The following MOSMO variants were observed in gnomAD, a reference collection of about 807,000 sequenced individuals.
MOSMO encodes the protein modulator of smoothened protein.
In MOSMO, 5 loss-of-function variants were observed where a neutral mutation model predicts 18.4. The observed-to-expected ratio is 0.27, with a 90% CI of 0.14 to 0.57. The LOEUF is 0.57. MOSMO is among the 20% of genes least tolerant of loss of function. The probability of loss-of-function intolerance (pLI) is 0.92; values close to 1 mark genes in which losing one functional copy is unlikely to be tolerated. For missense variants in MOSMO, 138 were observed against 211.8 expected (o/e 0.65, Z 2.16); for synonymous variants, 82 against 82.3 (o/e 1.00, Z 0.02).
downstream of MOSMO, among the ~76,000 whole-genome samples, chr16:22,089,037 ATTAAG>A (rs1901241936): frequency 6.6e-6 from 1 of 150,462 alleles, no homozygotes; most frequent in African/African-American, 2.4e-5. Flanking sequence ...CCTCCCACTT[ATTAAG>A]TTGTTTGTGT....
intron 1 of MOSMO, 57 bp downstream of exon 1, chr16:22,008,464 G>C: frequency 8.9e-7 from 1 of 1,124,524 alleles, no homozygotes; most frequent in South Asian, 1.7e-5. Flanking sequence ...ACGCGAGAGA[G>C]GGGAGACCCG....
intron 1 of MOSMO, among the ~76,000 whole-genome samples, chr16:22,020,658 T>C (rs1234559758): frequency 1.3e-5 from 2 of 152,190 alleles, no homozygotes; most frequent in Non-Finnish European, 2.9e-5. Context: ...TCTGGGTCAA[T>C]ACGGAAGTTA....
chr16:22,038,555 T>C (rs1204222990), intron 1 of MOSMO, among the ~76,000 whole-genome samples: 1 of 152,166 alleles, frequency 6.6e-6, no homozygotes, highest in African/African-American at 2.4e-5. Flanking sequence ...GAAGTTAGGT[T>C]ACAGATAATG....
At chr16:22,033,046 T>G (rs1232949657) in intron 1 of MOSMO, among the ~76,000 whole-genome samples, 1 of 152,220 alleles carries the variant, frequency 6.6e-6, no homozygotes, top group Non-Finnish European at 1.5e-5. Flanking sequence ...TTGATCTATG[T>G]CCTTATACCA....
intron 1 of MOSMO, among the ~76,000 whole-genome samples, chr16:22,073,189 G>C (rs1209011112): frequency 1.3e-5 from 2 of 152,112 alleles, no homozygotes; most frequent in Admixed American, 6.5e-5. Flanking sequence ...GGAAAGTTCA[G>C]TTATGATGTA....
In MOSMO at chr16:22,048,448, C is replaced by T. The variant is rs546497656; in HGVS notation, c.107-27039C>T. 4.6e-5 allele frequency among the ~76,000 whole-genome samples: 7 copies of T among 152,236 alleles called. No individual in the cohort carries two copies. In the South Asian group the frequency reaches 6.2e-4, roughly 14 times the overall value. The stretch of plus-strand genomic sequence containing the variant: ...ATGTGTAAAAGTATATTCATTTCTC[C>T]GTATCTTTTCCAGTGCTGGATAGTA... On this transcript the variant is annotated intron_variant, in intron 1 of 2. Transcript: ENST00000542527.
rs1901074587 is a variant in MOSMO at position 22,081,256 on chromosome 16, G to C, written c.*376G>C. 6.6e-6 allele frequency: 1 copy of C among 151,958 alleles called. No homozygotes were observed. Among genetic ancestry groups the C allele is most frequent in the African/African-American group, 2.4e-5 (1 of 41,222 alleles). The allele number at this position is 151,958 out of a possible 1,614,324, so 9.4% of individuals were successfully genotyped here. On this transcript the variant is annotated 3_prime_UTR_variant, in exon 3 of 3. Coordinates refer to ENST00000542527, the MANE Select transcript of MOSMO (RefSeq NM_001164579.2). Reference sequence around the variant, plus strand: ...GTTTTTAATGTCTAATGATTCATTAGAGGAAAAAAAAAAGTCTAAGTATTT... The same window carrying C: ...GTTTTTAATGTCTAATGATTCATTACAGGAAAAAAAAAAGTCTAAGTATTT...
chr16:22,071,024 C>T (rs1900839567), intron 1 of MOSMO, among the ~76,000 whole-genome samples: 1 of 152,210 alleles, frequency 6.6e-6, no homozygotes, highest in Admixed American at 6.5e-5. Flanking sequence ...CGCTCAAATA[C>T]AAATGCTCTT....
At chr16:22,051,463 A>C in intron 1 of MOSMO, among the ~76,000 whole-genome samples, 1 of 152,088 alleles carries the variant, frequency 6.6e-6, no homozygotes, top group East Asian at 1.9e-4. Flanking sequence ...GAAAAATAAC[A>C]AACTAGGCTA....
At chr16:22,064,625 A>G (rs1353020774) in intron 1 of MOSMO, among the ~76,000 whole-genome samples, 1 of 152,248 alleles carries the variant, frequency 6.6e-6, no homozygotes, top group Admixed American at 6.5e-5. Flanking sequence ...GCTTAAATTC[A>G]TACATGATTG....
Position 22,081,227 on chromosome 16 carries a change from T to C in MOSMO, c.*347T>C, listed in dbSNP as rs1213240011. 6.5e-6 allele frequency: 1 copy of C among 154,642 alleles called. No homozygotes were observed. Among genetic ancestry groups the C allele is most frequent in the Non-Finnish European group, 1.4e-5 (1 of 69,624 alleles). The allele number at this position is 154,642 out of a possible 1,614,324, so 9.6% of individuals were successfully genotyped here. ...CATGTGGCCCTTTGTGACTCTGTTA[T>C]TCCGTTTTTAATGTCTAATGATTCA... On this transcript the variant is annotated 3_prime_UTR_variant, in exon 3 of 3. Transcript: ENST00000542527.
chr16:22,023,176 A>T (rs1003020406), intron 1 of MOSMO, among the ~76,000 whole-genome samples: 8 of 152,236 alleles, frequency 5.3e-5, no homozygotes, highest in African/African-American at 1.9e-4. Flanking sequence ...ACAAATGTAG[A>T]CAGTCATATA....
chr16:22,064,575 C>A (rs939861483), intron 1 of MOSMO: 2 of 376,866 alleles, frequency 5.3e-6, no homozygotes, highest in Admixed American at 3.1e-5. Flanking sequence ...ATGCTAATTT[C>A]TTTGGCATAC....
chr16:22,014,211 G>T (rs540405227), intron 1 of MOSMO, among the ~76,000 whole-genome samples: 1 of 152,108 alleles, frequency 6.6e-6, no homozygotes, highest in Non-Finnish European at 1.5e-5. Flanking sequence ...GTCAGATGAA[G>T]TCAGTCCTTG....
intron 1 of MOSMO, among the ~76,000 whole-genome samples, chr16:22,069,313 T>A (rs1327141277): frequency 6.6e-6 from 1 of 152,142 alleles, no homozygotes; most frequent in Non-Finnish European, 1.5e-5. Context: ...TAGGAATTAA[T>A]CTAAGAATTA....
chr16:22,041,236 G>T (rs1402113141), intron 1 of MOSMO, among the ~76,000 whole-genome samples: 1 of 152,168 alleles, frequency 6.6e-6, no homozygotes, highest in Non-Finnish European at 1.5e-5. Flanking sequence ...GAGACACTGT[G>T]GTGATCTGAG....
chr16:22,013,852 A>G (rs947729628), intron 1 of MOSMO, among the ~76,000 whole-genome samples: 23 of 148,964 alleles, frequency 1.5e-4, no homozygotes, highest in South Asian at 1.3e-3. Context: ...TGTTGTTTTT[A>G]AAATTGTCTA....
chr16:22,065,640 ATTTCT>A (rs1598021193), intron 1 of MOSMO, among the ~76,000 whole-genome samples: 1 of 152,128 alleles, frequency 6.6e-6, no homozygotes, highest in East Asian at 1.9e-4. Context: ...AATATATCTA[ATTTCT>A]TTTCCTGAAA....
In MOSMO at chr16:22,081,124, A is replaced by C; in HGVS notation, c.*244A>C. 1 of 212,538 alleles carries C rather than the reference A, an allele frequency of 4.7e-6. No individual in the cohort carries two copies. The highest frequency in any genetic ancestry group is 9.4e-6 in the Non-Finnish European group (1 of 106,310). The allele number at this position is 212,538 out of a possible 1,614,324, so 13.2% of individuals were successfully genotyped here. A position where few individuals can be genotyped will look rare whatever the true frequency, so the allele number is the denominator to read the frequency against. ...ACCAAATACAGACAATATTGACTAAATCTCCTGAGCATATTCAGGCAGTCA... is the reference window on the plus strand; with the variant it reads ...ACCAAATACAGACAATATTGACTAACTCTCCTGAGCATATTCAGGCAGTCA... On this transcript the variant is annotated 3_prime_UTR_variant, in exon 3 of 3. Coordinates refer to ENST00000542527, the MANE Select transcript of MOSMO (RefSeq NM_001164579.2).
Sources: allele counts gnomAD v4.1 joint callset (sites outside exome capture counted in the v4.1 genomes callset), GRCh38; gene constraint gnomAD v4.1.1; transcripts MANE v1.5; gene names NCBI Gene and HGNC (gene_info 2026-07-23, HGNC 2026-07-21).